CADPS2: variants seen among roughly 807,000 people sequenced by gnomAD.
CADPS2 encodes the protein calcium dependent secretion activator 2, also known as calcium-dependent secretion activator 2.
In CADPS2, 93 loss-of-function variants were observed where a neutral mutation model predicts 172.5. That is an observed-to-expected ratio of 0.54 (90% CI 0.46 to 0.64). CADPS2 has a LOEUF of 0.64. Ranked by LOEUF, CADPS2 falls within the 30% of genes least tolerant of loss-of-function variation. The pLI, the probability that CADPS2 is intolerant of heterozygous loss-of-function variation, is 0.00. For synonymous variants in CADPS2, 546 were observed against 555.2 expected (o/e 0.98, Z 0.23); for missense variants, 1,420 against 1,565.9 (o/e 0.91, Z 1.57).
At chr7:122,503,441 C>T (rs2130523186) in intron 9 of CADPS2, among the ~76,000 whole-genome samples, 1 of 152,246 alleles carries the variant, frequency 6.6e-6, no homozygotes, top group Non-Finnish European at 1.5e-5. Flanking sequence ...AAACTAGTAT[C>T]TACTGCAACT....
At chr7:122,335,275 A>G (rs1410195960) in intron 28 of CADPS2, among the ~76,000 whole-genome samples, 1 of 152,138 alleles carries the variant, frequency 6.6e-6, no homozygotes, top group Non-Finnish European at 1.5e-5. Context: ...TTTGAGATGG[A>G]GTCTCGCTCT....
intron 22 of CADPS2, among the ~76,000 whole-genome samples, chr7:122,389,804 G>T (rs2044143561): frequency 6.6e-6 from 1 of 151,506 alleles, no homozygotes. Flanking sequence ...GAAAATTAAA[G>T]AAATAAACTC....
chr7:122,362,263 G>GT (rs2040252713), intron 25 of CADPS2, among the ~76,000 whole-genome samples: 1 of 152,064 alleles, frequency 6.6e-6, no homozygotes, highest in South Asian at 2.1e-4. Context: ...CAAAGCTTAC[G>GT]TAGCAGTTAT....
In CADPS2 at chr7:122,497,093, C is replaced by T. The variant is rs985846701; in HGVS notation, c.1543-5673G>A. ...CAGTGAGTATTTTAAAAATCTGATA[C>T]TGCTTTTTGCCTTGAAGTCTATCTT... On this transcript the variant is annotated intron_variant, in intron 9 of 29. Transcript: ENST00000449022. Among the ~76,000 whole-genome samples, 3 of 151,970 alleles carry T rather than the reference C, an allele frequency of 2.0e-5. No homozygotes were observed. The South Asian group carries it at 6.2e-4, about 31-fold the overall frequency.
At chr7:122,700,985 G>A (rs1000087056) in intron 2 of CADPS2, among the ~76,000 whole-genome samples, 6 of 151,894 alleles carry the variant, frequency 4.0e-5, no homozygotes, top group African/African-American at 7.3e-5. Context: ...GATTTCCTGG[G>A]TATTAATAAA....
At chr7:122,661,195 T>C (rs913409336) in intron 3 of CADPS2, among the ~76,000 whole-genome samples, 4 of 152,112 alleles carry the variant, frequency 2.6e-5, no homozygotes, top group African/African-American at 7.2e-5. Flanking sequence ...AGTATCAAAA[T>C]ATATGAGACA....
chr7:122,404,524 G>A (rs1033684544), intron 20 of CADPS2, among the ~76,000 whole-genome samples: 1 of 152,014 alleles, frequency 6.6e-6, no homozygotes, highest in Non-Finnish European at 1.5e-5. Context: ...GCGATTGCTG[G>A]GTCAAATAGT....
At position 122,473,456 on chromosome 7, in the gene CADPS2, T is replaced by C. The variant is rs143673060; in HGVS notation, c.1998+925A>G. On this transcript the variant is annotated intron_variant, in intron 13 of 29. Coordinates refer to ENST00000449022, the MANE Select transcript of CADPS2 (RefSeq NM_017954.11). ...TTCTTTTAACAAAGCTCAAAGGAAA[T>C]TGATTTTGGATTTTTGGATTAAGGA... Among the ~76,000 whole-genome samples the C allele has an allele frequency of 5.1e-3, 773 of 152,316 alleles. 6 individuals carry two copies. Among genetic ancestry groups the C allele is most frequent in the African/African-American group, 0.017 (715 of 41,574 alleles).
At chr7:122,625,502 G>T (rs1327536993) in intron 4 of CADPS2, among the ~76,000 whole-genome samples, 1 of 152,118 alleles carries the variant, frequency 6.6e-6, no homozygotes, top group Non-Finnish European at 1.5e-5. Context: ...TACATCTGTA[G>T]GTAGGTCTCA....
At chr7:122,361,046 T>C in intron 25 of CADPS2, 33 bp from the exon 26 acceptor site, 2 of 1,534,436 alleles carry the variant, frequency 1.3e-6, no homozygotes, top group Non-Finnish European at 1.8e-6. Context: ...ATTTAGAATG[T>C]TACTATGCAT....
intron 28 of CADPS2, among the ~76,000 whole-genome samples, chr7:122,341,079 T>G (rs2036709007): frequency 6.6e-6 from 1 of 152,316 alleles, no homozygotes; most frequent in African/African-American, 2.4e-5. Flanking sequence ...ATCCTCTGTT[T>G]AAAACATCCT....
chr7:122,463,914 C>T (rs1459113074), intron 14 of CADPS2, among the ~76,000 whole-genome samples: 1 of 152,130 alleles, frequency 6.6e-6, no homozygotes, highest in East Asian at 1.9e-4. Flanking sequence ...ATGTTGATGT[C>T]CTAGATTCCA....
intron 1 of CADPS2, among the ~76,000 whole-genome samples, chr7:122,743,673 G>C (rs1304408451): frequency 2.0e-5 from 3 of 152,142 alleles, no homozygotes; most frequent in Non-Finnish European, 4.4e-5. Context: ...CTTTACTCTA[G>C]GCACAGATGT....
In CADPS2 at chr7:122,734,356, T is replaced by TAAAAAAAAAAAAAAAAA. The variant is rs558421546; in HGVS notation, c.453+2582_453+2598dup. On this transcript the variant is annotated intron_variant, in intron 2 of 29. Coordinates refer to ENST00000449022, the MANE Select transcript of CADPS2 (RefSeq NM_017954.11). The stretch of plus-strand genomic sequence containing the variant: ...AATAACGATAGCATGCCAGAAATAG[T>TAAAAAAAAAAAAAAAAA]AAAAAAAAAAAAAAAAAAAAAAAAA... Among the ~76,000 whole-genome samples, 33 of 46,268 alleles carry TAAAAAAAAAAAAAAAAA rather than the reference T, an allele frequency of 7.1e-4. 5 individuals are homozygous for TAAAAAAAAAAAAAAAAA. The highest frequency in any genetic ancestry group is 6.2e-3 in the East Asian group (6 of 968). The allele number at this position is 46,268 out of a possible 152,430, so 30.4% of individuals were successfully genotyped here. A position where few individuals can be genotyped will look rare whatever the true frequency, so the allele number is the denominator to read the frequency against.
At chr7:122,697,330 A>G (rs1184459709) in intron 2 of CADPS2, among the ~76,000 whole-genome samples, 1 of 152,196 alleles carries the variant, frequency 6.6e-6, no homozygotes, top group Non-Finnish European at 1.5e-5. Context: ...CAACTAAGAC[A>G]TACTATAAAT....
chr7:122,733,735 C>T (rs2091893186), intron 2 of CADPS2, among the ~76,000 whole-genome samples: 1 of 151,990 alleles, frequency 6.6e-6, no homozygotes, highest in Non-Finnish European at 1.5e-5. Context: ...TGATATCCAA[C>T]CAATCAGAAC....
At chr7:122,842,308 G>C (rs979896322) in intron 1 of CADPS2, among the ~76,000 whole-genome samples, 13 of 152,192 alleles carry the variant, frequency 8.5e-5, no homozygotes, top group Non-Finnish European at 1.9e-4. Flanking sequence ...GGTGGAAAAT[G>C]GGTCTAGAAA....
chr7:122,617,822 T>A (rs1425934288), intron 5 of CADPS2, among the ~76,000 whole-genome samples: 2 of 152,134 alleles, frequency 1.3e-5, no homozygotes, highest in Non-Finnish European at 2.9e-5. Context: ...GGCGGGCATA[T>A]CATGAGCTCA....
chr7:122,400,286 A>C (rs2151578811), intron 20 of CADPS2, among the ~76,000 whole-genome samples: 1 of 151,884 alleles, frequency 6.6e-6, no homozygotes, highest in Admixed American at 6.5e-5. Context: ...AAATACAAAA[A>C]ATTAGCTGGG....
Sources: allele counts gnomAD v4.1 joint callset (sites outside exome capture counted in the v4.1 genomes callset), GRCh38; gene constraint gnomAD v4.1.1; transcripts MANE v1.5; gene names NCBI Gene and HGNC (gene_info 2026-07-23, HGNC 2026-07-21).